Variants in GALNT13 observed in about 807,000 individuals in gnomAD.
GALNT13 encodes the protein polypeptide N-acetylgalactosaminyltransferase 13.
Under a neutral mutation model 64.2 loss-of-function variants are expected in GALNT13, and 28 were observed. The ratio of observed to expected loss-of-function variants is 0.44; its 90% CI spans 0.32 to 0.60. The LOEUF (loss-of-function observed/expected upper bound fraction) is 0.60. GALNT13 is among the 20% of genes least tolerant of loss of function. The pLI is 0.05. For missense variants in GALNT13, 577 were observed against 669.8 expected (o/e 0.86, Z 1.53); for synonymous variants, 214 against 224.6 (o/e 0.95, Z 0.42).
At chr2:153,147,087 T>C in the GALNT13 span, among the ~76,000 whole-genome samples, 1 of 151,942 alleles carries the variant, frequency 6.6e-6, no homozygotes, top group African/African-American at 2.4e-5. Flanking sequence ...GAACTGAGTT[T>C]CGCGGAGGAG....
chr2:154,119,290 A>G (rs969840840), intron 3 of GALNT13, among the ~76,000 whole-genome samples: 1 of 152,096 alleles, frequency 6.6e-6, no homozygotes, highest in Non-Finnish European at 1.5e-5. Context: ...TTCTTCTAAG[A>G]AATATGTTGA....
chr2:153,160,353 A>C, the GALNT13 span, among the ~76,000 whole-genome samples: 3 of 152,218 alleles, frequency 2.0e-5, no homozygotes, highest in African/African-American at 7.2e-5. Flanking sequence ...GGGGAAAGGC[A>C]TACTCTATTT....
chr2:153,272,962 T>C, the GALNT13 span, among the ~76,000 whole-genome samples: 1 of 152,180 alleles, frequency 6.6e-6, no homozygotes. Flanking sequence ...TCATGTCCTT[T>C]GTAGGGACAT....
chr2:153,350,762 T>C, the GALNT13 span, among the ~76,000 whole-genome samples: 1 of 152,034 alleles, frequency 6.6e-6, no homozygotes, highest in South Asian at 2.1e-4. Flanking sequence ...CCAACAAAAA[T>C]GGTGCAAGCC....
At chr2:154,358,158 T>C (rs1019563282) in intron 9 of GALNT13, among the ~76,000 whole-genome samples, 7 of 152,104 alleles carry the variant, frequency 4.6e-5, no homozygotes, top group African/African-American at 1.4e-4. Context: ...CATATATACA[T>C]TGAAACAAAG....
the GALNT13 span, among the ~76,000 whole-genome samples, chr2:153,257,786 C>T: frequency 6.6e-6 from 1 of 152,106 alleles, no homozygotes; most frequent in Non-Finnish European, 1.5e-5. Flanking sequence ...GTTATTTGTA[C>T]AAGTGCTATA....
chr2:153,281,419 A>T, the GALNT13 span, among the ~76,000 whole-genome samples: 2 of 152,156 alleles, frequency 1.3e-5, no homozygotes, highest in Admixed American at 1.3e-4. Context: ...CATACTGATT[A>T]TCAGGAAGCT....
At chr2:153,163,973 G>A in the GALNT13 span, among the ~76,000 whole-genome samples, 29 of 149,232 alleles carry the variant, frequency 1.9e-4, no homozygotes, top group East Asian at 1.6e-3. Flanking sequence ...AGCCGAGATC[G>A]CGCCACTGCA....
the GALNT13 span, among the ~76,000 whole-genome samples, chr2:153,579,503 A>G: frequency 6.6e-6 from 1 of 152,194 alleles, no homozygotes; most frequent in South Asian, 2.1e-4. Flanking sequence ...TAAATTTTTA[A>G]TTTATAAAAT....
intron 3 of GALNT13, among the ~76,000 whole-genome samples, chr2:154,112,576 A>G (rs1296582055): frequency 1.3e-5 from 2 of 152,212 alleles, no homozygotes; most frequent in Admixed American, 1.3e-4. Flanking sequence ...CCATCCAGCC[A>G]AATCATTAAT....
At chr2:153,958,919 T>G in intron 3 of GALNT13, among the ~76,000 whole-genome samples, 1 of 152,136 alleles carries the variant, frequency 6.6e-6, no homozygotes, top group Non-Finnish European at 1.5e-5. Flanking sequence ...ACAAAAATAT[T>G]TGGATGGCCA....
At chr2:153,281,636 C>T in the GALNT13 span, among the ~76,000 whole-genome samples, 1 of 152,110 alleles carries the variant, frequency 6.6e-6, no homozygotes, top group Non-Finnish European at 1.5e-5. Flanking sequence ...TTTTATTTCT[C>T]CTTCACTTAT....
the GALNT13 span, among the ~76,000 whole-genome samples, chr2:153,642,796 A>G: frequency 2.6e-5 from 4 of 151,854 alleles, no homozygotes; most frequent in Non-Finnish European, 5.9e-5. Context: ...TAACCTTTAC[A>G]AAATTTGCTC....
Position 154,396,149 on chromosome 2 carries a change from G to T in GALNT13, c.1296+19G>T. On this transcript the variant is annotated intron_variant, in intron 10 of 12. Coordinates refer to ENST00000392825, the MANE Select transcript of GALNT13 (RefSeq NM_052917.4). ...TGGTGAGGTATGAATTATTTATTTT[G>T]GTTAAGTTATAAATATATTTTGCAA... 2 of 1,538,748 alleles carry T rather than the reference G, an allele frequency of 1.3e-6. No homozygotes were observed. Among genetic ancestry groups the T allele is most frequent in the South Asian group, 1.3e-5 (1 of 79,430 alleles).
At chr2:153,733,433 A>G in the GALNT13 span, among the ~76,000 whole-genome samples, 20 of 152,144 alleles carry the variant, frequency 1.3e-4, no homozygotes, top group Non-Finnish European at 2.9e-4. Flanking sequence ...CAATAAATAT[A>G]TGTAGAATGA....
intron 1 of GALNT13, among the ~76,000 whole-genome samples, chr2:153,880,268 C>G (rs9288287): frequency 0.25 from 38,056 of 151,904 alleles, 5,030 homozygotes; most frequent in Non-Finnish European, 0.28. Context: ...CTTGTGAAAA[C>G]TGATGTATTG....
chr2:154,332,050 T>C (rs1428957862), intron 9 of GALNT13, among the ~76,000 whole-genome samples: 1 of 152,100 alleles, frequency 6.6e-6, no homozygotes, highest in Admixed American at 6.6e-5. Context: ...ACAGAAAACA[T>C]TTGAAGCTAT....
intron 12 of GALNT13, among the ~76,000 whole-genome samples, chr2:154,443,724 A>G (rs1701421269): frequency 6.6e-6 from 1 of 152,042 alleles, no homozygotes; most frequent in African/African-American, 2.4e-5. Flanking sequence ...TAGGAATTAT[A>G]TATTTGGAAG....
chr2:153,348,543 G>A, the GALNT13 span, among the ~76,000 whole-genome samples: 1 of 152,196 alleles, frequency 6.6e-6, no homozygotes, highest in African/African-American at 2.4e-5. Context: ...TTAACAATGT[G>A]GCACATTAAT....
Sources: gnomAD v4.1 joint callset for allele counts (sites outside exome capture counted in the v4.1 genomes callset) on GRCh38, gnomAD v4.1.1 for gene constraint, MANE v1.5 for transcripts, NCBI Gene and HGNC (gene_info 2026-07-23, HGNC 2026-07-21) for gene names.